Variants in STPG2 observed in about 807,000 individuals in gnomAD.
STPG2 encodes the protein sperm tail PG-rich repeat containing 2.
In STPG2, 56 loss-of-function variants were observed where a neutral mutation model predicts 54.2. That is an observed-to-expected ratio of 1.03 (90% CI 0.83 to 1.29). STPG2 has a LOEUF of 1.29. Ranked by LOEUF, STPG2 falls within the 50% of genes most tolerant of loss-of-function variation. The probability of loss-of-function intolerance (pLI) is 0.00; values close to 1 mark genes in which losing one functional copy is unlikely to be tolerated. For missense variants in STPG2, 596 were observed against 544.9 expected (o/e 1.09, Z -0.93); for synonymous variants, 200 against 181.8 (o/e 1.10, Z -0.81).
chr4:98,119,538 TA>T (rs1370948647), intron 3 of STPG2, among the ~76,000 whole-genome samples: 1 of 152,116 alleles, frequency 6.6e-6, no homozygotes, highest in African/African-American at 2.4e-5. Context: ...TAATTAGCAA[TA>T]TTTTTCATAA....
chr4:98,129,544 T>C (rs144954090), intron 2 of STPG2, among the ~76,000 whole-genome samples: 3 of 152,128 alleles, frequency 2.0e-5, no homozygotes, highest in African/African-American at 7.2e-5. Context: ...AAAGAAGCTA[T>C]ACAAAAATTA....
intron 1 of STPG2, among the ~76,000 whole-genome samples, chr4:98,134,977 A>T (rs1054042180): frequency 6.6e-6 from 1 of 151,844 alleles, no homozygotes; most frequent in African/African-American, 2.4e-5. Context: ...ACCCTAAACA[A>T]AGGTTTACAA....
chr4:97,442,770 T>G (rs1729122596), intron 4 of STPG2, among the ~76,000 whole-genome samples: 2 of 152,178 alleles, frequency 1.3e-5, no homozygotes, highest in African/African-American at 4.8e-5. Context: ...CCATAACATA[T>G]TCTTAGTTTC....
intron 3 of STPG2, among the ~76,000 whole-genome samples, chr4:98,116,744 T>C (rs996363424): frequency 5.3e-5 from 8 of 151,868 alleles, no homozygotes; most frequent in Non-Finnish European, 1.2e-4. Context: ...GAGAATGAAA[T>C]ATTCTTGAGA....
chr4:98,083,251 T>C (rs1738405657), intron 5 of STPG2, among the ~76,000 whole-genome samples: 1 of 152,148 alleles, frequency 6.6e-6, no homozygotes, highest in Non-Finnish European at 1.5e-5. Flanking sequence ...AAATAAATGG[T>C]AAATCTGTGA....
intron 9 of STPG2, among the ~76,000 whole-genome samples, chr4:97,715,037 T>C (rs1724245740): frequency 6.6e-6 from 1 of 152,152 alleles, no homozygotes; most frequent in African/African-American, 2.4e-5. Flanking sequence ...GGAATTCCTT[T>C]GAGGAACATT....
intron 10 of STPG2, among the ~76,000 whole-genome samples, chr4:97,608,842 T>C (rs1733658767): frequency 6.6e-6 from 1 of 152,010 alleles, no homozygotes; most frequent in South Asian, 2.1e-4. Flanking sequence ...TTCTAAAAGG[T>C]TTTTTATGCT....
intron 4 of STPG2, among the ~76,000 whole-genome samples, chr4:97,462,841 C>T (rs1294431762): frequency 6.6e-6 from 1 of 151,928 alleles, no homozygotes; most frequent in Admixed American, 6.6e-5. Flanking sequence ...TTATTTCTTC[C>T]TTATTGTATG....
chr4:97,826,037 G>A (rs1473171672), intron 9 of STPG2, among the ~76,000 whole-genome samples: 3 of 152,156 alleles, frequency 2.0e-5, no homozygotes, highest in Non-Finnish European at 4.4e-5. Context: ...AAGGCCTGGG[G>A]TCATGTGGAG....
chr4:97,968,043 A>T (rs1245501164), intron 7 of STPG2, among the ~76,000 whole-genome samples: 1 of 152,208 alleles, frequency 6.6e-6, no homozygotes, highest in African/African-American at 2.4e-5. Context: ...GAAACAAAAA[A>T]ACCTTCAAAA....
intron 8 of STPG2, among the ~76,000 whole-genome samples, chr4:97,859,366 C>G (rs1222265544): frequency 6.6e-6 from 1 of 152,006 alleles, no homozygotes; most frequent in Non-Finnish European, 1.5e-5. Context: ...TGTACATTTA[C>G]TCTGCTGATT....
chr4:97,961,074 C>A (rs1377878882), intron 7 of STPG2, among the ~76,000 whole-genome samples: 2 of 143,402 alleles, frequency 1.4e-5, no homozygotes, highest in Admixed American at 6.9e-5. Context: ...TTCAACAAAG[C>A]AAACAAAAAC....
intron 4 of STPG2, among the ~76,000 whole-genome samples, chr4:97,516,919 A>T (rs1050068382): frequency 1.3e-4 from 20 of 151,432 alleles, no homozygotes; most frequent in Non-Finnish European, 7.4e-5. Context: ...TATTATTATT[A>T]TTTTTTAAGA....
intron 4 of STPG2, among the ~76,000 whole-genome samples, chr4:97,536,941 C>T (rs1264800417): frequency 2.0e-5 from 3 of 152,154 alleles, no homozygotes; most frequent in East Asian, 1.9e-4. Flanking sequence ...ACATAATCAT[C>T]GGTTTCTAGC....
intron 2 of STPG2, among the ~76,000 whole-genome samples, chr4:98,131,430 G>A (rs1739995200): frequency 6.6e-6 from 1 of 152,058 alleles, no homozygotes; most frequent in Non-Finnish European, 1.5e-5. Flanking sequence ...AACTCCCTAA[G>A]TAAATGAACA....
At chr4:98,023,942 T>C (rs1448711498) in intron 5 of STPG2, among the ~76,000 whole-genome samples, 1 of 152,160 alleles carries the variant, frequency 6.6e-6, no homozygotes, top group African/African-American at 2.4e-5. Context: ...CACCCCTTTC[T>C]TTGACTAGCA....
At position 97,797,883 on chromosome 4, in the gene STPG2, A is replaced by C. The variant is rs572891469; in HGVS notation, c.1204+42890T>G. On this transcript the variant is annotated intron_variant, in intron 9 of 10. Coordinates refer to ENST00000295268, the MANE Select transcript of STPG2 (RefSeq NM_174952.3). ...TTTCAGAGCCTGTTATTGGTCTATT[A>C]AGGAATTCAACTTCTTCCTGGTTTA... 2.6e-3 allele frequency among the ~76,000 whole-genome samples: 397 copies of C among 152,176 alleles called. 2 individuals are homozygous for C. Among genetic ancestry groups the C allele is most frequent in the Non-Finnish European group, 4.4e-3 (296 of 67,996 alleles).
chr4:97,923,024 A>G (rs1732167891), intron 8 of STPG2, among the ~76,000 whole-genome samples: 1 of 152,146 alleles, frequency 6.6e-6, no homozygotes, highest in Admixed American at 6.5e-5. Flanking sequence ...TAAAACTGTT[A>G]GTTTTCCACA....
intron 4 of STPG2, among the ~76,000 whole-genome samples, chr4:97,442,612 A>G (rs1012084661): frequency 2.0e-5 from 3 of 152,082 alleles, no homozygotes; most frequent in Non-Finnish European, 2.9e-5. Flanking sequence ...ATAAAGTTAG[A>G]CAGGGGGCTA....
Sources: gnomAD v4.1 joint callset for allele counts (sites outside exome capture counted in the v4.1 genomes callset) on GRCh38, gnomAD v4.1.1 for gene constraint, MANE v1.5 for transcripts, NCBI Gene and HGNC (gene_info 2026-07-23, HGNC 2026-07-21) for gene names.